Variants in PUS1 observed in about 807,000 individuals in gnomAD.
The protein encoded by PUS1 is pseudouridine synthase 1.
In PUS1, 25 loss-of-function variants were observed where a neutral mutation model predicts 38.5. That is an observed-to-expected ratio of 0.65 (90% CI 0.47 to 0.91). The LOEUF (loss-of-function observed/expected upper bound fraction) is 0.91, where lower values mean the gene tolerates loss of function less well. Among genes scored for constraint, PUS1 ranks in the 40% least tolerant of loss-of-function variants. The pLI is 0.00. For synonymous variants in PUS1, 282 were observed against 260.4 expected (o/e 1.08, Z -0.80); for missense variants, 597 against 612.3 (o/e 0.97, Z 0.26).
chr12:131,930,600 G>A (rs942661500), intron 2 of PUS1, among the ~76,000 whole-genome samples: 3 of 152,184 alleles, frequency 2.0e-5, no homozygotes, highest in Non-Finnish European at 4.4e-5. Context: ...AAGGTAGAGG[G>A]TCTGGGTACA....
chr12:131,939,556 G>T (rs1342079696), intron 4 of PUS1, among the ~76,000 whole-genome samples: 2 of 152,184 alleles, frequency 1.3e-5, no homozygotes, highest in Non-Finnish European at 2.9e-5. Flanking sequence ...CCCTCTTACG[G>T]CAGGACTGGT....
At position 131,934,983 on chromosome 12, in the gene PUS1, GC is replaced by G. The variant is rs1593291142; in HGVS notation, c.441+2673del. ...TGGGGATCCATGGATGCATTCTGGAGCCGTCGTACAGAGGGGAGAACACAAA... is the reference window on the plus strand; with the variant it reads ...TGGGGATCCATGGATGCATTCTGGAGCGTCGTACAGAGGGGAGAACACAAA... On this transcript the variant is annotated intron_variant, in intron 3 of 5. Transcript: ENST00000376649. The G allele has an allele frequency of 2.0e-5, 3 of 152,388 alleles. No individual in the cohort carries two copies. In the East Asian group the frequency reaches 5.8e-4, roughly 29 times the overall value. The allele number at this position is 152,388 out of a possible 1,614,324, so 9.4% of individuals were successfully genotyped here.
chr12:131,929,896 C>T lies in PUS1; in HGVS notation c.75-11C>T. ...CGAGCGGGCCCCCGCTCACGCCGCC[C>T]TTCTCCGCAGCTCGCCGCGCATGGC... On this transcript the variant is annotated splice_polypyrimidine_tract_variant and intron_variant, in intron 1 of 5. Coordinates refer to ENST00000376649, the MANE Select transcript of PUS1 (RefSeq NM_025215.6). 6.8e-7 allele frequency: 1 copy of T among 1,472,602 alleles called. No homozygotes were observed. Among genetic ancestry groups the T allele is most frequent in the Non-Finnish European group, 8.9e-7 (1 of 1,118,490 alleles). The allele number at this position is 1,472,602 out of a possible 1,614,324, so 91.2% of individuals were successfully genotyped here.
chr12:131,939,487 TG>T (rs1047372854), intron 4 of PUS1, among the ~76,000 whole-genome samples: 9 of 152,196 alleles, frequency 5.9e-5, no homozygotes, highest in African/African-American at 2.2e-4. Context: ...ACGGGCGCCT[TG>T]TTTTAAGCAA....
At position 131,929,654 on chromosome 12, in the gene PUS1, G is replaced by A. The variant is rs1297614351; in HGVS notation, c.-69G>A. The A allele has an allele frequency of 2.2e-6, 3 of 1,363,584 alleles. No individual in the cohort carries two copies. In the African/African-American group the frequency reaches 4.4e-5, roughly 20 times the overall value. 84.5% of individuals were successfully genotyped at this position (1,363,584 alleles called of 1,614,324 possible). A position where few individuals can be genotyped will look rare whatever the true frequency, so the allele number is the denominator to read the frequency against. The stretch of plus-strand genomic sequence containing the variant: ...TCCGAGAGGTTAGGGGTCGGCAGAG[G>A]CGGAGCTGGGGCACTGGGGGTCAGG... On this transcript the variant is annotated 5_prime_UTR_variant, in exon 1 of 6. Transcript: ENST00000376649.
In PUS1 at chr12:131,929,953, G is replaced by T. The variant is rs776265402; in HGVS notation, c.121G>T (p.Ala41Ser). The T allele has an allele frequency of 5.3e-6, 8 of 1,507,628 alleles. No homozygotes were observed. Among genetic ancestry groups the T allele is most frequent in the South Asian group, 1.2e-5 (1 of 80,204 alleles). 93.4% of individuals were successfully genotyped at this position (1,507,628 alleles called of 1,614,324 possible). A position where few individuals can be genotyped will look rare whatever the true frequency, so the allele number is the denominator to read the frequency against. The change falls in exon 2 of 6, where the codon GCA (alanine) becomes TCA (serine). Residue 41 changes from alanine (A) to serine (S), a missense_variant. By Grantham distance (99) the Ala-to-Ser change is moderately conservative. Coordinates refer to ENST00000376649, the MANE Select transcript of PUS1 (RefSeq NM_025215.6). ...CGCGGAGCCGCCGCCCGCCGGAGCCGCATGCCCCCAGGACCGGAGGTCCTG... is the reference window on the plus strand; with the variant it reads ...CGCGGAGCCGCCGCCCGCCGGAGCCTCATGCCCCCAGGACCGGAGGTCCTG... ...GNAEPPPAGA[A>S]CPQDRRSCSG... is the part of the protein sequence containing the mutation.
Position 131,941,183 on chromosome 12 carries a change from C to A in PUS1, c.545-109C>A, listed in dbSNP as rs1238794872. 8 of 936,602 alleles carry A rather than the reference C, an allele frequency of 8.5e-6. No homozygotes were observed. Among genetic ancestry groups the A allele is most frequent in the African/African-American group, 6.5e-5 (4 of 61,428 alleles). 58.0% of individuals were successfully genotyped at this position (936,602 alleles called of 1,614,324 possible). A position where few individuals can be genotyped will look rare whatever the true frequency, so the allele number is the denominator to read the frequency against. The stretch of plus-strand genomic sequence containing the variant: ...AAGCCGATGCTTGCTGGAGCTTGGT[C>A]GGTGCTCTGGGTAAGGAGACGCTGG... On this transcript the variant is annotated intron_variant, in intron 4 of 5. Transcript: ENST00000376649. This position sits in a 1 kb window ranked among gnomAD's most constrained non-coding sequence, Gnocchi z 4.4.
chr12:131,944,187 C>T lies in PUS1; in HGVS notation c.*601C>T. On this transcript the variant is annotated 3_prime_UTR_variant, in exon 6 of 6. Transcript: ENST00000376649. ...GGAGAAGTCGAGGCTGCCCTGATTG[C>T]CACTGCACTCAAAAAAAAAAAAAAC... 1 of 151,970 alleles carries T rather than the reference C, an allele frequency of 6.6e-6. No individual in the cohort carries two copies. 9.4% of individuals were successfully genotyped at this position (151,970 alleles called of 1,614,324 possible).
At chr12:131,929,858 C>T in intron 1 of PUS1, 49 bp from the exon 2 acceptor site, 1 of 1,448,814 alleles carries the variant, frequency 6.9e-7, no homozygotes, top group Non-Finnish European at 9.2e-7. Flanking sequence ...CCCCAGTCCA[C>T]CCCGCGCGGT....
In PUS1 at chr12:131,941,589, T is replaced by G. The variant is rs759626428; in HGVS notation, c.842T>G (p.Val281Gly). ...GTGCGGGAGGGCCTGGAGTTTGCGG[T>G]GATCAGGGTGAAGGGCCAGAGCTTC... ...PFVREGLEFA[V>G]IRVKGQSFMM... The change falls in exon 5 of 6, where the codon GTG becomes GGG. Residue 281 changes from valine (V) to glycine (G), a missense_variant. Physicochemically the swap from Val to Gly is moderately radical, Grantham distance 109. Transcript: ENST00000376649. This position sits in a 1 kb window ranked among gnomAD's most constrained non-coding sequence, Gnocchi z 4.4. 1.2e-6 allele frequency: 2 copies of G among 1,614,010 alleles called. No individual in the cohort carries two copies. Among genetic ancestry groups the G allele is most frequent in the South Asian group, 1.1e-5 (1 of 91,088 alleles).
Position 131,938,010 on chromosome 12 carries a change from C to G in PUS1, c.442-1163C>G, listed in dbSNP as rs183174229. Among the ~76,000 whole-genome samples the G allele has an allele frequency of 5.8e-3, 887 of 152,240 alleles. 10 individuals are homozygous for G. The highest frequency in any genetic ancestry group is 0.02 in the African/African-American group (843 of 41,538). On this transcript the variant is annotated intron_variant, in intron 3 of 5. Transcript: ENST00000376649. ...CATCTAACATGTCCAAAGTAGGAAA[C>G]TCTCTTTTCTGTTTTCTTTTTCTTT...
At chr12:131,932,506 T>C (rs1890651008) in intron 3 of PUS1, 194 bp downstream of exon 3, 1 of 631,868 alleles carries the variant, frequency 1.6e-6, no homozygotes, top group South Asian at 1.8e-5. Context: ...AGATGCTCCC[T>C]GCCAGTGGGA....
intron 3 of PUS1, among the ~76,000 whole-genome samples, chr12:131,937,595 C>T (rs1308655583): frequency 6.6e-6 from 1 of 152,306 alleles, no homozygotes; most frequent in Non-Finnish European, 1.5e-5. Flanking sequence ...AGGCTAGTCT[C>T]GAACTCCCGA....
At chr12:131,934,302 A>C (rs922249401) in intron 3 of PUS1, among the ~76,000 whole-genome samples, 1 of 152,146 alleles carries the variant, frequency 6.6e-6, no homozygotes, top group African/African-American at 2.4e-5. Context: ...TTCTCTGACT[A>C]CCCTGGGGAG....
chr12:131,942,442 T>C (rs1280825660), intron 5 of PUS1, among the ~76,000 whole-genome samples: 1 of 152,152 alleles, frequency 6.6e-6, no homozygotes, highest in Non-Finnish European at 1.5e-5. Flanking sequence ...AGTCTTGTTC[T>C]GTCACCCAGG....
At chr12:131,930,567 C>T (rs1242282639) in intron 2 of PUS1, among the ~76,000 whole-genome samples, 1 of 152,206 alleles carries the variant, frequency 6.6e-6, no homozygotes, top group Non-Finnish European at 1.5e-5. Flanking sequence ...AGGATTCTCT[C>T]CTCAGCCCAC....
intron 3 of PUS1, chr12:131,932,901 A>G (rs890671701): frequency 9.7e-6 from 4 of 413,502 alleles, no homozygotes; most frequent in Non-Finnish European, 1.9e-5. Context: ...TTATAAAGAA[A>G]AGAGGTTGAA....
Position 131,931,972 on chromosome 12 carries a change from A to T in PUS1, c.304-203A>T. ...GTTTTGATTCCATTCCACACTACCC[A>T]CCCCCTAGCATGGAGCAGCCCGGCC... On this transcript the variant is annotated intron_variant, in intron 2 of 5. Transcript: ENST00000376649. 3 of 665,822 alleles carry T rather than the reference A, an allele frequency of 4.5e-6. No homozygotes were observed. The Admixed American group carries it at 6.4e-5, about 14-fold the overall frequency. 41.2% of individuals were successfully genotyped at this position (665,822 alleles called of 1,614,324 possible).
Position 131,941,438 on chromosome 12 carries a change from C to G in PUS1, c.691C>G (p.Gln231Glu), listed in dbSNP as rs369787595. The G allele has an allele frequency of 1.2e-6, 2 of 1,613,336 alleles. No homozygotes were observed. Among genetic ancestry groups the G allele is most frequent in the Non-Finnish European group, 1.7e-6 (2 of 1,179,274 alleles). ...CCGCCTGAGCGCCGAGACGCTGCAG[C>G]AGGTCAACAGGCTCCTGGCCTGCTA... ...TYRLSAETLQ[Q>E]VNRLLACYKG... The change falls in exon 5 of 6, where the codon CAG becomes GAG. Residue 231 changes from glutamine to glutamate, a missense_variant. Coordinates refer to ENST00000376649, the MANE Select transcript of PUS1 (RefSeq NM_025215.6). This position sits in a 1 kb window ranked among gnomAD's most constrained non-coding sequence, Gnocchi z 4.4.
Sources: gnomAD v4.1 joint callset for allele counts (sites outside exome capture counted in the v4.1 genomes callset) on GRCh38, gnomAD v4.1.1 for gene constraint, Gnocchi (gnomAD v3.1) non-coding constraint, MANE v1.5 for transcripts, NCBI Gene and HGNC (gene_info 2026-07-23, HGNC 2026-07-21) for gene names.